The following ZSCAN1 variants were observed in gnomAD, a reference collection of about 807,000 sequenced individuals.
ZSCAN1 encodes the protein zinc finger and SCAN domain containing 1.
Under a neutral mutation model 23.8 loss-of-function variants are expected in ZSCAN1, and 23 were observed. The observed-to-expected ratio is 0.97, with a 90% CI of 0.70 to 1.37. The LOEUF is 1.37. ZSCAN1 is among the 40% of genes most tolerant of loss of function. The probability of loss-of-function intolerance (pLI) is 0.00; values close to 1 mark genes in which losing one functional copy is unlikely to be tolerated. For missense variants in ZSCAN1, 575 were observed against 554.0 expected (o/e 1.04, Z -0.38); for synonymous variants, 236 against 232.3 (o/e 1.02, Z -0.15).
At chr19:58,046,466 T>A in intron 4 of ZSCAN1, 1 of 845,838 alleles carries the variant, frequency 1.2e-6, no homozygotes, top group East Asian at 2.4e-5. Context: ...GCCAGCAAGC[T>A]GGCCCCGGCC....
chr19:58,046,526 A>T, intron 4 of ZSCAN1: 1 of 917,426 alleles, frequency 1.1e-6, no homozygotes, highest in South Asian at 1.3e-5. Flanking sequence ...GAGCTCATCA[A>T]CGCCATGAAG....
At chr19:58,036,342 G>A (rs182454017) in intron 2 of ZSCAN1, among the ~76,000 whole-genome samples, 80 of 152,228 alleles carry the variant, frequency 5.3e-4, no homozygotes, top group African/African-American at 1.8e-3. Flanking sequence ...CAGAAAGGTC[G>A]TGCCAATTTA....
At position 58,038,305 on chromosome 19, in the gene ZSCAN1, GC is replaced by G. The variant is rs768450720; in HGVS notation, c.370+102del. 4.8e-6 allele frequency: 7 copies of G among 1,467,590 alleles called. 1 individual carries two copies. In the South Asian group the frequency reaches 8.9e-5, roughly 19 times the overall value. The allele number at this position is 1,467,590 out of a possible 1,614,324, so 90.9% of individuals were successfully genotyped here. A position where few individuals can be genotyped will look rare whatever the true frequency, so the allele number is the denominator to read the frequency against. ...TCCCGCCCACATCGCTCCCACCCCT[GC>G]CCGGCCCCTCCCGACCAGCAAACCT... On this transcript the variant is annotated intron_variant, in intron 3 of 5. Transcript: ENST00000282326.
chr19:58,054,206 AC>A lies in ZSCAN1; in HGVS notation c.*157del. 1.9e-6 allele frequency: 2 copies of A among 1,060,920 alleles called. No individual in the cohort carries two copies. The highest frequency in any genetic ancestry group is 5.3e-5 in the East Asian group (2 of 37,626). 65.7% of individuals were successfully genotyped at this position (1,060,920 alleles called of 1,614,324 possible). ...AGCTGTTTCTCGGAAGACCCTGGAC[AC>A]CTGCTCCGAAGCCAAGCACGGGATG... is the stretch of plus-strand genomic sequence containing the variant. On this transcript the variant is annotated 3_prime_UTR_variant, in exon 6 of 6. Transcript: ENST00000282326. The surrounding 1 kb of genome is among the most constrained non-coding windows in gnomAD (Gnocchi z 4.2).
intron 1 of ZSCAN1, chr19:58,035,639 AAG>A (rs1472925468): frequency 6.6e-6 from 1 of 152,208 alleles, no homozygotes; most frequent in Non-Finnish European, 1.5e-5. Context: ...AATACAACAT[AAG>A]AGAGCATTTT....
intron 4 of ZSCAN1, among the ~76,000 whole-genome samples, chr19:58,044,086 C>A (rs2123429465): frequency 6.6e-6 from 1 of 152,068 alleles, no homozygotes; most frequent in Non-Finnish European, 1.5e-5. Context: ...GCGTGGCCAA[C>A]ATGGTGGAAC....
In ZSCAN1 at chr19:58,053,310, G is replaced by A; in HGVS notation, c.605-119G>A. On this transcript the variant is annotated intron_variant, in intron 5 of 5. Coordinates refer to ENST00000282326, the MANE Select transcript of ZSCAN1 (RefSeq NM_182572.4). The surrounding 1 kb of genome is among the most constrained non-coding windows in gnomAD (Gnocchi z 5.8). The stretch of plus-strand genomic sequence containing the variant: ...ACGGAGGACACAGGGGCCGTATTGA[G>A]CAGAGGAAGGGCCTGGACTTGGCTC... 7.6e-7 allele frequency: 1 copy of A among 1,310,346 alleles called. No individual in the cohort carries two copies. The highest frequency in any genetic ancestry group is 1.0e-6 in the Non-Finnish European group (1 of 954,930). The allele number at this position is 1,310,346 out of a possible 1,614,324, so 81.2% of individuals were successfully genotyped here.
In ZSCAN1 at chr19:58,036,021, G is replaced by T. The variant is rs1268899640; in HGVS notation, c.-110+10G>T. 2 of 152,238 alleles carry T rather than the reference G, an allele frequency of 1.3e-5. No individual in the cohort carries two copies. The highest frequency in any genetic ancestry group is 6.5e-5 in the Admixed American group (1 of 15,280). The allele number at this position is 152,238 out of a possible 1,614,324, so 9.4% of individuals were successfully genotyped here. On this transcript the variant is annotated intron_variant, in intron 2 of 5. Transcript: ENST00000282326. ...GAGGAGATTCAGAGAAGTATGAACA[G>T]CACAAAGCACTTGGCCGCCCCCCAT...
Position 58,054,057 on chromosome 19 carries a change from C to G in ZSCAN1, c.*6C>G, listed in dbSNP as rs367781962. 7 of 1,494,770 alleles carry G rather than the reference C, an allele frequency of 4.7e-6. No homozygotes were observed. In the African/African-American group the frequency reaches 9.8e-5, roughly 21 times the overall value. 92.6% of individuals were successfully genotyped at this position (1,494,770 alleles called of 1,614,324 possible). A position where few individuals can be genotyped will look rare whatever the true frequency, so the allele number is the denominator to read the frequency against. ...CGGCCCACGGCCACATGTGAATGGCCAGCCTCGGGCCTCGGCCACCCGGCC... is the reference window on the plus strand; with the variant it reads ...CGGCCCACGGCCACATGTGAATGGCGAGCCTCGGGCCTCGGCCACCCGGCC... On this transcript the variant is annotated 3_prime_UTR_variant, in exon 6 of 6. Transcript: ENST00000282326. The surrounding 1 kb of genome is among the most constrained non-coding windows in gnomAD (Gnocchi z 4.2).
chr19:58,045,152 C>A lies in ZSCAN1; in HGVS notation c.465+4608C>A. The A allele has an allele frequency of 8.6e-7, 1 of 1,158,900 alleles. No individual in the cohort carries two copies. Among genetic ancestry groups the A allele is most frequent in the East Asian group, 2.4e-5 (1 of 42,214 alleles). 71.8% of individuals were successfully genotyped at this position (1,158,900 alleles called of 1,614,324 possible). A position where few individuals can be genotyped will look rare whatever the true frequency, so the allele number is the denominator to read the frequency against. On this transcript the variant is annotated intron_variant, in intron 4 of 5. Coordinates refer to ENST00000282326, the MANE Select transcript of ZSCAN1 (RefSeq NM_182572.4). The surrounding 1 kb of genome is among the most constrained non-coding windows in gnomAD (Gnocchi z 4.3). ...TGCTCTGGCGCATCCTCAACTGCCA[C>A]ACCCTGACCCGCCAGGCGCGCAGGC...
At chr19:58,044,588 A>G (rs544707058) in intron 4 of ZSCAN1, 10 of 935,410 alleles carry the variant, frequency 1.1e-5, no homozygotes, top group East Asian at 6.1e-5. Flanking sequence ...GCCCGGACAC[A>G]CGGCGTCCAT....
chr19:58,053,542 G>T lies in ZSCAN1; in HGVS notation c.718G>T (p.Gly240Cys), dbSNP rs756641378. 6.2e-7 allele frequency: 1 copy of T among 1,614,152 alleles called. No homozygotes were observed. Among genetic ancestry groups the T allele is most frequent in the South Asian group, 1.1e-5 (1 of 91,080 alleles). ...AGGGACTGTGATCTCGAGCCCCAAGGGTCCAAGTGCTCAGAGAATCAGTCC... is the reference window on the plus strand; with the variant it reads ...AGGGACTGTGATCTCGAGCCCCAAGTGTCCAAGTGCTCAGAGAATCAGTCC... ...AEGTVISSPK[G>C]PSAQRISPRR... The change falls in exon 6 of 6, where the codon GGT becomes TGT. Residue 240 changes from glycine to cysteine, a missense_variant. Gly to Cys is a radical substitution (Grantham distance 159, BLOSUM62 -3). Coordinates refer to ENST00000282326, the MANE Select transcript of ZSCAN1 (RefSeq NM_182572.4). The surrounding 1 kb of genome is among the most constrained non-coding windows in gnomAD (Gnocchi z 5.8).
intron 1 of ZSCAN1, among the ~76,000 whole-genome samples, chr19:58,034,492 C>G (rs1482858260): frequency 6.6e-6 from 1 of 151,994 alleles, no homozygotes; most frequent in African/African-American, 2.4e-5. Flanking sequence ...AGCCCCTCTA[C>G]GTACCCCCAT....
At chr19:58,052,462 C>G in intron 4 of ZSCAN1, 28 bp from the exon 5 acceptor site, 2 of 1,613,556 alleles carry the variant, frequency 1.2e-6, no homozygotes, top group Non-Finnish European at 1.7e-6. Flanking sequence ...GGGGCAGCTG[C>G]CGAACAGTCC....
At chr19:58,035,680 G>A (rs2073729643) in intron 1 of ZSCAN1, among the ~76,000 whole-genome samples, 1 of 152,240 alleles carries the variant, frequency 6.6e-6, no homozygotes, top group Non-Finnish European at 1.5e-5. Context: ...GGAAGACCAA[G>A]CTGGTAGTTT....
chr19:58,037,561 G>A (rs1364704389), intron 2 of ZSCAN1, among the ~76,000 whole-genome samples, 167 bp from the exon 3 acceptor site: 1 of 152,154 alleles, frequency 6.6e-6, no homozygotes, highest in Non-Finnish European at 1.5e-5. Flanking sequence ...TCAGTGCAAA[G>A]TAGCCTGTGA....
chr19:58,043,373 C>T (rs2073803280), intron 4 of ZSCAN1, among the ~76,000 whole-genome samples: 1 of 152,142 alleles, frequency 6.6e-6, no homozygotes. Context: ...CTGTGGGCAA[C>T]GGTAACACAA....
chr19:58,045,862 C>A lies in ZSCAN1; in HGVS notation c.465+5318C>A. 1.9e-6 allele frequency: 2 copies of A among 1,065,438 alleles called. No individual in the cohort carries two copies. Among genetic ancestry groups the A allele is most frequent in the Non-Finnish European group, 2.9e-6 (2 of 679,534 alleles). The allele number at this position is 1,065,438 out of a possible 1,614,324, so 66.0% of individuals were successfully genotyped here. A position where few individuals can be genotyped will look rare whatever the true frequency, so the allele number is the denominator to read the frequency against. On this transcript the variant is annotated intron_variant, in intron 4 of 5. Transcript: ENST00000282326. This position sits in a 1 kb window ranked among gnomAD's most constrained non-coding sequence, Gnocchi z 4.3. ...GGACACCCTCTTGCCAGCCGACCAG[C>A]TCAAGTCCACACTGCAGACTCTCCC...
intron 3 of ZSCAN1, among the ~76,000 whole-genome samples, chr19:58,039,686 G>A (rs951766730): frequency 2.7e-5 from 4 of 149,194 alleles, no homozygotes; most frequent in Non-Finnish European, 4.4e-5. Flanking sequence ...CAGGAGAATC[G>A]CTTGAACCCA....
Sources: gnomAD v4.1 joint callset for allele counts (sites outside exome capture counted in the v4.1 genomes callset) on GRCh38, gnomAD v4.1.1 for gene constraint, Gnocchi (gnomAD v3.1) non-coding constraint, MANE v1.5 for transcripts, NCBI Gene and HGNC (gene_info 2026-07-23, HGNC 2026-07-21) for gene names.